FRMD4B: variants seen among roughly 807,000 people sequenced by gnomAD.
FRMD4B encodes the protein FERM domain containing 4B, also known as FERM domain-containing protein 4B.
Under a neutral mutation model 141.5 loss-of-function variants are expected in FRMD4B, and 74 were observed. The ratio of observed to expected loss-of-function variants is 0.52; its 90% confidence interval spans 0.43 to 0.63. FRMD4B has a LOEUF of 0.63. Ranked by LOEUF, FRMD4B falls within the 30% of genes least tolerant of loss-of-function variation. FRMD4B has a pLI of 0.00. For missense variants in FRMD4B, 1,366 were observed against 1,253.4 expected (o/e 1.09, Z -1.36); for synonymous variants, 506 against 467.9 (o/e 1.08, Z -1.05).
intron 22 of FRMD4B, among the ~76,000 whole-genome samples, chr3:69,173,189 GA>G (rs1247670234): frequency 4.6e-5 from 7 of 152,040 alleles, no homozygotes. Context: ...GGAGGTGAAA[GA>G]AAAAAGTTAT....
intron 3 of FRMD4B, among the ~76,000 whole-genome samples, chr3:69,303,240 C>T (rs2107173886): frequency 1.2e-5 from 1 of 80,876 alleles, no homozygotes; most frequent in Non-Finnish European, 3.8e-5. Context: ...ATCGCTCGAG[C>T]CCAGGTGTTT....
Position 69,182,635 on chromosome 3 carries a change from C to T in FRMD4B, c.2002G>A (p.Val668Ile). 6.2e-7 allele frequency: 1 copy of T among 1,613,742 alleles called. No individual in the cohort carries two copies. Among genetic ancestry groups the T allele is most frequent in the Non-Finnish European group, 8.5e-7 (1 of 1,179,800 alleles). The change falls in exon 20 of 23, where the codon GTT becomes ATT. Residue 668 changes from valine (V) to isoleucine (I), a missense_variant. Val to Ile is a conservative substitution (Grantham distance 29). Coordinates refer to ENST00000398540, the MANE Select transcript of FRMD4B (RefSeq NM_015123.3). The part of the protein sequence containing the change: ...QGGRSMPTTP[V>I]LTRNAYSSSH... Reference sequence around the variant, plus strand: ...CTGCTGTAGGCGTTTCGGGTAAGAACTGGCGTGGTGGGCATGCTTCGTCCT... The same window carrying T: ...CTGCTGTAGGCGTTTCGGGTAAGAATTGGCGTGGTGGGCATGCTTCGTCCT...
At chr3:69,495,002 G>A (rs1253778280) in intron 1 of FRMD4B, among the ~76,000 whole-genome samples, 4 of 151,868 alleles carry the variant, frequency 2.6e-5, no homozygotes, top group Non-Finnish European at 5.9e-5. Context: ...GGGAGGGAAA[G>A]GGAGGGAAAG....
rs374887196 is a variant in FRMD4B, at chr3:69,287,988, G to GT, written c.417-153dup. On this transcript the variant is annotated intron_variant, in intron 4 of 22. Transcript: ENST00000398540. ...GTTTTAAAAGAAATATGCACCGCAC[G>GT]TATTTATGTGATGGATGTATGTGTA... Among the ~76,000 whole-genome samples the GT allele has an allele frequency of 9.8e-4, 150 of 152,288 alleles. 3 individuals carry two copies. Among genetic ancestry groups the GT allele is most frequent in the African/African-American group, 3.4e-3 (141 of 41,558 alleles).
At chr3:69,191,752 G>C (rs897419890) in intron 17 of FRMD4B, among the ~76,000 whole-genome samples, 8 of 152,180 alleles carry the variant, frequency 5.3e-5, no homozygotes, top group African/African-American at 1.9e-4. Flanking sequence ...TTTGAGGATG[G>C]ATGGGCCATA....
intron 7 of FRMD4B, among the ~76,000 whole-genome samples, chr3:69,243,040 C>G (rs1011760608): frequency 6.7e-6 from 1 of 149,226 alleles, no homozygotes; most frequent in Non-Finnish European, 1.5e-5. Context: ...TCATTTGTGG[C>G]TGGCAGCTGG....
intron 1 of FRMD4B, among the ~76,000 whole-genome samples, chr3:69,326,713 A>C (rs1177155743): frequency 6.6e-6 from 1 of 152,236 alleles, no homozygotes; most frequent in Non-Finnish European, 1.5e-5. Context: ...ACAACATGAG[A>C]GGGAAAAATC....
chr3:69,306,588 C>A (rs1422569231), intron 3 of FRMD4B: 1 of 152,212 alleles, frequency 6.6e-6, no homozygotes, highest in Non-Finnish European at 1.5e-5. Flanking sequence ...CACAGAGCTG[C>A]GCAAGGCCCT....
chr3:69,419,155 G>C (rs990305943), intron 2 of FRMD4B, among the ~76,000 whole-genome samples: 9 of 152,146 alleles, frequency 5.9e-5, no homozygotes, highest in Admixed American at 5.9e-4. Flanking sequence ...AAACTTAGAA[G>C]TGAAAAGGGG....
At chr3:69,368,638 G>A (rs188379230) in intron 1 of FRMD4B, among the ~76,000 whole-genome samples, 130 of 152,252 alleles carry the variant, frequency 8.5e-4, no homozygotes, top group Non-Finnish European at 1.5e-3. Flanking sequence ...AGTAGCCCAT[G>A]GCATACTCCC....
At position 69,315,647 on chromosome 3, in the gene FRMD4B, T is replaced by C. The variant is rs73838357; in HGVS notation, c.163-2130A>G. Among the ~76,000 whole-genome samples, 1,136 of 152,340 alleles carry C rather than the reference T, an allele frequency of 7.5e-3. 12 individuals are homozygous for C. The highest frequency in any genetic ancestry group is 0.026 in the African/African-American group (1,099 of 41,572). On this transcript the variant is annotated intron_variant, in intron 1 of 22. Coordinates refer to ENST00000398540, the MANE Select transcript of FRMD4B (RefSeq NM_015123.3). ...TTGATCTTTCCAATGTCAGCACATA[T>C]AGATGGACCTCATTCTTTTTAAAGA...
intron 2 of FRMD4B, among the ~76,000 whole-genome samples, chr3:69,415,991 C>G (rs904694447): frequency 2.6e-5 from 4 of 152,184 alleles, no homozygotes; most frequent in Middle Eastern, 3.2e-3. Flanking sequence ...GACTCCCCTG[C>G]TGAATAAAGT....
chr3:69,479,350 G>T (rs1033459269), intron 1 of FRMD4B, among the ~76,000 whole-genome samples: 7 of 152,030 alleles, frequency 4.6e-5, no homozygotes, highest in African/African-American at 1.7e-4. Context: ...GGTACCGGTT[G>T]TTCCTTTCCA....
chr3:69,531,698 C>A (rs1330361310), intron 1 of FRMD4B, among the ~76,000 whole-genome samples: 1 of 152,200 alleles, frequency 6.6e-6, no homozygotes, highest in African/African-American at 2.4e-5. Context: ...TTATCAGCAT[C>A]ATTTTCATAG....
intron 1 of FRMD4B, chr3:69,536,494 C>A (rs528345507): frequency 1.4e-6 from 1 of 696,718 alleles, no homozygotes; most frequent in Non-Finnish European, 2.7e-6. Context: ...CGTGCCCTAG[C>A]GCTACTCCCC....
At chr3:69,435,471 CT>C (rs2106846289) in intron 1 of FRMD4B, among the ~76,000 whole-genome samples, 2 of 152,086 alleles carry the variant, frequency 1.3e-5, no homozygotes, top group South Asian at 4.1e-4. Flanking sequence ...GCATATTTTT[CT>C]AAATAAAGTT....
intron 8 of FRMD4B, among the ~76,000 whole-genome samples, chr3:69,224,065 T>C (rs1230854823): frequency 1.3e-5 from 2 of 152,124 alleles, no homozygotes; most frequent in African/African-American, 2.4e-5. Flanking sequence ...AAGGAGAATA[T>C]ATTTAACAAG....
chr3:69,517,935 A>C (rs1700791559), intron 1 of FRMD4B, among the ~76,000 whole-genome samples: 1 of 152,112 alleles, frequency 6.6e-6, no homozygotes, highest in South Asian at 2.1e-4. Context: ...GCTGCACCAC[A>C]GAGTTTCTGA....
At position 69,169,444 on chromosome 3, in the gene FRMD4B, G is replaced by A. The variant is rs1473092541; in HGVS notation, c.*2417C>T. 2.1e-5 allele frequency among the ~76,000 whole-genome samples: 3 copies of A among 140,462 alleles called. No individual in the cohort carries two copies. The highest frequency in any genetic ancestry group is 3.0e-5 in the Non-Finnish European group (2 of 66,202). 92.1% of individuals were successfully genotyped at this position (140,462 alleles called of 152,430 possible). A position where few individuals can be genotyped will look rare whatever the true frequency, so the allele number is the denominator to read the frequency against. ...ACGATCCTGGCTCACTGCAACCTCC[G>A]CCTCCTGGGCTCAAGATATCCTCCC... On this transcript the variant is annotated 3_prime_UTR_variant, in exon 23 of 23. Coordinates refer to ENST00000398540, the MANE Select transcript of FRMD4B (RefSeq NM_015123.3).
Sources: gnomAD v4.1 joint callset for allele counts (sites outside exome capture counted in the v4.1 genomes callset) on GRCh38, gnomAD v4.1.1 for gene constraint, MANE v1.5 for transcripts, NCBI Gene and HGNC (gene_info 2026-07-23, HGNC 2026-07-21) for gene names.